The following BUD13 variants were observed in gnomAD, a reference collection of about 807,000 sequenced individuals.
The protein encoded by BUD13 is BUD13 spliceosome associated protein, also known as BUD13 homolog.
In BUD13, 47 loss-of-function variants were observed where a neutral mutation model predicts 62.5. That is an observed-to-expected ratio of 0.75 (90% confidence interval 0.60 to 0.96). The LOEUF (loss-of-function observed/expected upper bound fraction) is 0.96, where lower values mean the gene tolerates loss of function less well. BUD13 is among the 40% of genes least tolerant of loss of function. The probability of loss-of-function intolerance (pLI) is 0.00; values close to 1 mark genes in which losing one functional copy is unlikely to be tolerated. For synonymous variants in BUD13, 293 were observed against 280.1 expected (o/e 1.05, Z -0.46); for missense variants, 821 against 790.9 (o/e 1.04, Z -0.46).
chr11:116,765,378 T>A lies in BUD13; in HGVS notation c.306A>T (p.Lys102Asn), dbSNP rs1468162540. The change falls in exon 3 of 10, where the codon AAA (lysine) becomes AAT (asparagine). Residue 102 changes from lysine to asparagine, a missense_variant. By Grantham distance (94) the Lys-to-Asn change is moderately conservative. This residue lies in a region of BUD13 where 800 missense variants were observed against 739.2 expected (regional missense o/e 1.08). Coordinates refer to ENST00000260210, the MANE Select transcript of BUD13 (RefSeq NM_032725.4). ...GGAACTCACCTCCCAGAAGCTTCCA[T>A]TTGGCACTGGAACGAAAGGCCTCCA... ...KQMEAFRSSA[K>N]WKLLGGHNED... 1.2e-6 allele frequency: 2 copies of A among 1,614,012 alleles called. No homozygotes were observed. Among genetic ancestry groups the A allele is most frequent in the African/African-American group, 2.7e-5 (2 of 74,916 alleles).
chr11:116,763,050 A>G lies in BUD13; in HGVS notation c.539T>C (p.Ile180Thr), dbSNP rs1180722676. 32 of 1,611,256 alleles carry G rather than the reference A, an allele frequency of 2.0e-5. No homozygotes were observed. The highest frequency in any genetic ancestry group is 2.7e-5 in the Non-Finnish European group (32 of 1,179,296). The part of the protein sequence containing the change: ...HDSDTSPPRR[I>T]RHDSSDTSPP... ...TGAAGTGTCTGAGGAGTCATGACGG[A>G]TCCTCCTGGGAGGAGATGTGTCTGA... Residue 180 changes from isoleucine to threonine, a missense_variant, in exon 4 of 10, where the codon ATC becomes ACC. Around this residue, in one of 2 missense-constraint regions of BUD13, gnomAD observed 800 missense variants for 739.2 expected, o/e 1.08. Coordinates refer to ENST00000260210, the MANE Select transcript of BUD13 (RefSeq NM_032725.4).
Position 116,762,675 on chromosome 11 carries a change from G to A in BUD13, c.914C>T (p.Ser305Leu). ...TGGGAATGACAAATGGGAGGCTCCT[G>A]ACTCCTTCCAATGTGGAGAAGTCTT... Reference protein sequence around the residue: ...SSKTSPHWKESGASHLSFPKN... With the variant: ...SSKTSPHWKELGASHLSFPKN... The change falls in exon 4 of 10, where the codon TCA becomes TTA. Residue 305 changes from serine to leucine, a missense_variant. Physicochemically the swap from Ser to Leu is moderately radical, Grantham distance 145. Transcript: ENST00000260210. 6.2e-7 allele frequency: 1 copy of A among 1,614,202 alleles called. No individual in the cohort carries two copies. Among genetic ancestry groups the A allele is most frequent in the Non-Finnish European group, 8.5e-7 (1 of 1,180,028 alleles).
At chr11:116,763,484 C>T (rs778459555) in intron 3 of BUD13, among the ~76,000 whole-genome samples, 12 of 152,170 alleles carry the variant, frequency 7.9e-5, no homozygotes, top group Admixed American at 2.0e-4. Context: ...ATTTGCAAAG[C>T]ATTTTCAGCA....
intron 8 of BUD13, 60 bp from the exon 9 acceptor site, chr11:116,757,287 A>G: frequency 6.7e-7 from 1 of 1,483,358 alleles, no homozygotes; most frequent in Admixed American, 1.8e-5. Context: ...TCAGAGCTGG[A>G]TGGCAATGTG....
At chr11:116,751,274 T>C (rs75893676) in intron 9 of BUD13, among the ~76,000 whole-genome samples, 4,277 of 152,316 alleles carry the variant, frequency 0.028, 188 homozygotes, top group African/African-American at 0.097. Context: ...CTTACACTTA[T>C]AACATGTATG....
rs904291753 is a variant in BUD13 at position 116,772,971 on chromosome 11, G to A, written c.-7C>T. 2.6e-6 allele frequency: 4 copies of A among 1,535,378 alleles called. No individual in the cohort carries two copies. Among genetic ancestry groups the A allele is most frequent in the African/African-American group, 2.8e-5 (2 of 70,740 alleles). The stretch of plus-strand genomic sequence containing the variant: ...GCGGCGGAGCTGCCGCCATGGCAGC[G>A]GCGGGGGCAGAGAGACGGGTCGGCG... On this transcript the variant is annotated 5_prime_UTR_variant, in exon 1 of 10. Coordinates refer to ENST00000260210, the MANE Select transcript of BUD13 (RefSeq NM_032725.4).
chr11:116,757,857 C>T lies in BUD13; in HGVS notation c.1593G>A (p.Leu531=). Reference sequence around the variant, plus strand: ...TTTCCTGTTCTCTTAGCATCCTATCCAGATCTTCGTCATCAATATAGCGGG... The same window carrying T: ...TTTCCTGTTCTCTTAGCATCCTATCTAGATCTTCGTCATCAATATAGCGGG... ...PLARYIDDED[L]DRMLREQERE... is the part of the protein sequence containing the mutation. The change falls in exon 8 of 10, where the codon CTG becomes CTA. Residue 531 remains leucine (L), a synonymous_variant. Coordinates refer to ENST00000260210, the MANE Select transcript of BUD13 (RefSeq NM_032725.4). The T allele has an allele frequency of 6.2e-7, 1 of 1,614,156 alleles. No individual in the cohort carries two copies. The highest frequency in any genetic ancestry group is 8.5e-7 in the Non-Finnish European group (1 of 1,180,034).
At chr11:116,751,213 A>T (rs1940226318) in intron 9 of BUD13, among the ~76,000 whole-genome samples, 1 of 152,242 alleles carries the variant, frequency 6.6e-6, no homozygotes, top group Admixed American at 6.5e-5. Context: ...TCCTGGGCTC[A>T]GGGGCTATCT....
At chr11:116,764,489 GGAGT>G (rs540826952) in intron 3 of BUD13, among the ~76,000 whole-genome samples, 9 of 152,072 alleles carry the variant, frequency 5.9e-5, no homozygotes, top group Non-Finnish European at 4.4e-5. Context: ...CAGAAGAAAA[GGAGT>G]GAGTGAGTGT....
intron 2 of BUD13, among the ~76,000 whole-genome samples, chr11:116,767,876 G>T (rs1475631871): frequency 6.6e-6 from 1 of 151,522 alleles, no homozygotes; most frequent in Non-Finnish European, 1.5e-5. Flanking sequence ...GCAGGACTAA[G>T]GTAGGAGGAT....
intron 9 of BUD13, among the ~76,000 whole-genome samples, chr11:116,756,369 G>A (rs1940325137): frequency 6.6e-6 from 1 of 152,020 alleles, no homozygotes; most frequent in Admixed American, 6.6e-5. Context: ...AAAATTAGCT[G>A]GGTGTGGCAG....
At chr11:116,752,535 G>A (rs1940254887) in intron 9 of BUD13, among the ~76,000 whole-genome samples, 1 of 151,988 alleles carries the variant, frequency 6.6e-6, no homozygotes, top group Admixed American at 6.5e-5. Context: ...TAAGTTTTGG[G>A]TCCAAAAATT....
At chr11:116,762,361 C>T (rs1045264051) in intron 4 of BUD13, among the ~76,000 whole-genome samples, 192 bp downstream of exon 4, 2 of 152,122 alleles carry the variant, frequency 1.3e-5, no homozygotes, top group African/African-American at 4.8e-5. Context: ...TGGGGTGGAG[C>T]GAGCACATAA....
At chr11:116,758,015 G>T in intron 7 of BUD13, 65 bp from the exon 8 acceptor site, 1 of 1,576,300 alleles carries the variant, frequency 6.3e-7, no homozygotes, top group Non-Finnish European at 8.6e-7. Flanking sequence ...ACACGAGATG[G>T]ACCATACTGC....
At chr11:116,749,754 A>G (rs1402391016) in intron 9 of BUD13, among the ~76,000 whole-genome samples, 2 of 152,208 alleles carry the variant, frequency 1.3e-5, no homozygotes, top group East Asian at 1.9e-4. Context: ...CTTAAACTGC[A>G]TTTCAAAGAG....
chr11:116,748,831 C>T (rs1181003188), intron 9 of BUD13, among the ~76,000 whole-genome samples: 1 of 151,994 alleles, frequency 6.6e-6, no homozygotes, highest in Non-Finnish European at 1.5e-5. Flanking sequence ...ACTAACAATA[C>T]AAAAATTAGC....
At chr11:116,755,788 CATAATT>C (rs1940311473) in intron 9 of BUD13, among the ~76,000 whole-genome samples, 2 of 152,028 alleles carry the variant, frequency 1.3e-5, no homozygotes, top group Admixed American at 1.3e-4. Context: ...ATTATGTTAA[CATAATT>C]AGTTTATTTT....
At chr11:116,772,564 G>C (rs1007859491) in intron 1 of BUD13, among the ~76,000 whole-genome samples, 6 of 152,200 alleles carry the variant, frequency 3.9e-5, no homozygotes, top group Admixed American at 2.6e-4. Flanking sequence ...AGTCTACCAA[G>C]GCGGGAAAAG....
chr11:116,759,818 A>G (rs1172788299), intron 5 of BUD13, among the ~76,000 whole-genome samples: 1 of 152,198 alleles, frequency 6.6e-6, no homozygotes, highest in Non-Finnish European at 1.5e-5. Flanking sequence ...GAAGAATCTC[A>G]CTTCCTGGGT....
Sources: allele counts gnomAD v4.1 joint callset (sites outside exome capture counted in the v4.1 genomes callset), GRCh38; gene constraint gnomAD v4.1.1; regional missense constraint gnomAD v4.1.1; transcripts MANE v1.5; gene names NCBI Gene and HGNC (gene_info 2026-07-23, HGNC 2026-07-21).